The following NTRK1 variants were observed in gnomAD, a reference collection of about 807,000 sequenced individuals.
The protein encoded by NTRK1 is high affinity nerve growth factor receptor.
In NTRK1, 62 loss-of-function variants were observed where a neutral mutation model predicts 86.8. That is an observed-to-expected ratio of 0.71 (90% confidence interval 0.58 to 0.88). The LOEUF is 0.88. Ranked by LOEUF, NTRK1 falls within the 40% of genes least tolerant of loss-of-function variation. NTRK1 has a pLI of 0.00. For missense variants in NTRK1, 967 were observed against 1,078.4 expected, an observed-to-expected ratio of 0.90 and a Z score of 1.45; for synonymous variants, 469 against 456.6, an observed-to-expected ratio of 1.03 and a Z score of -0.35.
chr1:156,815,774 G>A (rs1571627839), exon 1 of NTRK1: 1 of 1,611,142 alleles, frequency 6.2e-7, no homozygotes, highest in Admixed American at 1.7e-5. Flanking sequence ...TGCGGACTCA[G>A]CCTGAGCTTC....
At chr1:156,843,182 C>A in intron 2 of NTRK1, 1 of 1,614,082 alleles carries the variant, frequency 6.2e-7, no homozygotes, top group Non-Finnish European at 8.5e-7. Context: ...GCCCAGTTCC[C>A]GGATTATCGA....
intron 1 of NTRK1, among the ~76,000 whole-genome samples, chr1:156,826,849 T>A (rs1323320425): frequency 6.6e-6 from 1 of 152,242 alleles, no homozygotes; most frequent in Non-Finnish European, 1.5e-5. Context: ...ACAACACTAC[T>A]GAAAGGAGCA....
chr1:156,856,459 C>G, upstream of NTRK1, among the ~76,000 whole-genome samples: 1 of 152,212 alleles, frequency 6.6e-6, no homozygotes, highest in East Asian at 1.9e-4. Flanking sequence ...TTCAGTTCCT[C>G]AGCCTGACAT....
Position 156,873,360 on chromosome 1 carries a change from C to A in NTRK1, c.851-273C>A, listed in dbSNP as rs567355435. Among the ~76,000 whole-genome samples the A allele has an allele frequency of 1.1e-4, 16 of 152,308 alleles. No homozygotes were observed. The South Asian group carries it at 1.9e-3, about 18-fold the overall frequency. ...AATTGTCATAAGCTGATACCCCACT[C>A]CTGTGGGGCTGTGACTTATTTATGG... On this transcript the variant is annotated intron_variant, in intron 7 of 16. Coordinates refer to ENST00000524377, the MANE Select transcript of NTRK1 (RefSeq NM_002529.4).
Position 156,871,718 on chromosome 1 carries a change from G to A in NTRK1, c.813G>A (p.Val271=), listed in dbSNP as rs149204161. ...KNVTCWAEND[V]GRAEVSVQVN... The stretch of plus-strand genomic sequence containing the variant: ...TGACGTGCTGGGCAGAGAACGATGT[G>A]GGCCGGGCAGAGGTCTCTGTTCAGG... Residue 271 remains valine (V), a synonymous_variant, in exon 7 of 17, where the codon GTG becomes GTA. Coordinates refer to ENST00000524377, the MANE Select transcript of NTRK1 (RefSeq NM_002529.4). 1 of 1,614,192 alleles carries A rather than the reference G, an allele frequency of 6.2e-7. No individual in the cohort carries two copies. Among genetic ancestry groups the A allele is most frequent in the East Asian group, 2.2e-5 (1 of 44,886 alleles).
intron 2 of NTRK1, 68 bp downstream of exon 2, chr1:156,864,496 G>A (rs1655833994): frequency 2.0e-6 from 3 of 1,527,046 alleles, no homozygotes; most frequent in Admixed American, 1.7e-5. Flanking sequence ...AGGTCAGGGA[G>A]GGCTCAAGCA....
At chr1:156,843,492 G>C in intron 2 of NTRK1, 1 of 1,614,116 alleles carries the variant, frequency 6.2e-7, no homozygotes, top group Non-Finnish European at 8.5e-7. Context: ...GCAACGGGAG[G>C]TGAGGGGGTC....
chr1:156,847,922 G>A (rs560337435), intron 2 of NTRK1, among the ~76,000 whole-genome samples: 3 of 152,274 alleles, frequency 2.0e-5, no homozygotes, highest in East Asian at 3.9e-4. Context: ...TGCACAAGCC[G>A]GGGAGCTGGG....
intron 1 of NTRK1, chr1:156,839,976 C>A (rs1011836894): frequency 4.6e-5 from 7 of 152,156 alleles, no homozygotes; most frequent in African/African-American, 9.7e-5. Context: ...AGGGTCACCA[C>A]CTCGAGTCCC....
At chr1:156,820,891 C>T (rs2644600) in intron 1 of NTRK1, among the ~76,000 whole-genome samples, 28,746 of 151,996 alleles carry the variant, frequency 0.19, 2,955 homozygotes, top group Non-Finnish European at 0.24. Flanking sequence ...GTCATTTTCA[C>T]AATATTGATT....
rs768781131 is a variant in NTRK1, at chr1:156,841,429, C to T, written c.-63-652C>T. 2.5e-6 allele frequency: 4 copies of T among 1,613,776 alleles called. No individual in the cohort carries two copies. In the African/African-American group the frequency reaches 4.0e-5, roughly 16 times the overall value. On this transcript the variant is annotated intron_variant, in intron 1 of 16. Transcript: ENST00000392302. ...GACAGCCCTCCAGCTCCTCCAGGAC[C>T]CCGCCATCCATGACGAACTTCAGCA... is the stretch of plus-strand genomic sequence containing the variant.
intron 1 of NTRK1, among the ~76,000 whole-genome samples, chr1:156,834,816 C>T (rs61331432): frequency 6.7e-6 from 1 of 150,064 alleles, no homozygotes; most frequent in Non-Finnish European, 1.5e-5. Context: ...GCCGGGGAGA[C>T]GGGGGGTTGT....
chr1:156,865,327 G>T (rs1032627375), intron 3 of NTRK1, among the ~76,000 whole-genome samples: 1 of 152,178 alleles, frequency 6.6e-6, no homozygotes, highest in African/African-American at 2.4e-5. Context: ...GATGGTGCGG[G>T]AGGAGAGGAT....
At chr1:156,853,825 A>T (rs758803281) in intron 2 of NTRK1, 1 of 1,613,692 alleles carries the variant, frequency 6.2e-7, no homozygotes, top group Non-Finnish European at 8.5e-7. Context: ...CACAGGGCTC[A>T]CCAGCAGCAC....
Position 156,876,135 on chromosome 1 carries a change from C to G in NTRK1, c.1557C>G (p.Gly519=). The change falls in exon 13 of 17, where the codon GGC becomes GGG. Residue 519 remains glycine (G), a synonymous_variant. Transcript: ENST00000524377. ...DIVLKWELGE[G]AFGKVFLAEC... The stretch of plus-strand genomic sequence containing the variant: ...TGCTCAAGTGGGAGCTGGGGGAGGG[C>G]GCCTTTGGGAAGGTCTTCCTTGCTG... 1 of 1,614,190 alleles carries G rather than the reference C, an allele frequency of 6.2e-7. No homozygotes were observed. Among genetic ancestry groups the G allele is most frequent in the Non-Finnish European group, 8.5e-7 (1 of 1,180,030 alleles).
intron 11 of NTRK1, 83 bp downstream of exon 11, chr1:156,875,091 G>C (rs2102912937): frequency 9.6e-7 from 1 of 1,044,334 alleles, no homozygotes. Flanking sequence ...TCTGTCTCTG[G>C]GGGGCTGTGC....
chr1:156,863,356 C>G (rs1339335336), intron 1 of NTRK1, among the ~76,000 whole-genome samples: 1 of 151,938 alleles, frequency 6.6e-6, no homozygotes, highest in Non-Finnish European at 1.5e-5. Context: ...TTCACTCTCT[C>G]TTTGTTTTTC....
In NTRK1 at chr1:156,845,306, G is replaced by A. The variant is rs769801086; in HGVS notation, c.50+3113G>A. ...GTGCCGCCCTGAGTCCCTGGGGAGA[G>A]CGAGTCAGAGCCAAGGCCCAGCCCC... On this transcript the variant is annotated intron_variant, in intron 2 of 16. Coordinates refer to the NTRK1 transcript ENST00000392302. 3.1e-6 allele frequency: 5 copies of A among 1,612,186 alleles called. No individual in the cohort carries two copies. The Admixed American group carries it at 5.0e-5, about 16-fold the overall frequency.
At chr1:156,863,684 G>A (rs114207955) in intron 1 of NTRK1, among the ~76,000 whole-genome samples, 2,305 of 151,944 alleles carry the variant, frequency 0.015, 45 homozygotes, top group African/African-American at 0.052. Flanking sequence ...GTGTGTGTAT[G>A]TCTGTGTGTG....
Sources: allele counts gnomAD v4.1 joint callset (sites outside exome capture counted in the v4.1 genomes callset), GRCh38; gene constraint gnomAD v4.1.1; transcripts MANE v1.5; gene names NCBI Gene and HGNC (gene_info 2026-07-23, HGNC 2026-07-21).